Variants in FRMPD4 observed in about 807,000 individuals in gnomAD.
The protein encoded by FRMPD4 is FERM and PDZ domain containing 4, also known as FERM and PDZ domain-containing protein 4.
FRMPD4 carries 22 observed loss-of-function variants against 94.1 expected under a neutral mutation model. The ratio of observed to expected loss-of-function variants is 0.23; its 90% CI spans 0.17 to 0.33. The LOEUF (loss-of-function observed/expected upper bound fraction) is 0.33, where lower values mean the gene tolerates loss of function less well. FRMPD4 is among the 10% of genes least tolerant of loss of function. The pLI, the probability that FRMPD4 is intolerant of heterozygous loss-of-function variation, is 1.00. For synonymous variants in FRMPD4, 631 were observed against 548.6 expected, an observed-to-expected ratio of 1.15 and a Z score of -2.10; for missense variants, 1,111 against 1,339.9, an observed-to-expected ratio of 0.83 and a Z score of 2.67.
chrX:11,900,076 G>C (rs1017729944), intron 3 of FRMPD4, among the ~76,000 whole-genome samples: 2 of 111,883 alleles, frequency 1.8e-5, no homozygotes, highest in Non-Finnish European at 3.8e-5. Context: ...GGAGTTATCC[G>C]GGGGTCTTTT....
chrX:12,189,912 G>T (rs963688103), intron 1 of FRMPD4, among the ~76,000 whole-genome samples: 2 of 111,104 alleles, frequency 1.8e-5, no homozygotes, highest in African/African-American at 6.5e-5. Flanking sequence ...TATACAAATT[G>T]GGAAGGAAGA....
rs760879512 is a variant in FRMPD4 at position 12,541,304 on chromosome X, G to T, written c.158+42508G>T. Among the ~76,000 whole-genome samples, 10 of 111,113 alleles carry T rather than the reference G, an allele frequency of 9.0e-5. No individual in the cohort carries two copies. The South Asian group carries it at 3.8e-3, about 43-fold the overall frequency. ...CAAAAAATCAATGAATCCAGGGGCT[G>T]GTTTTTTGAAAAGATCAACACAATT... On this transcript the variant is annotated intron_variant, in intron 2 of 16. Coordinates refer to ENST00000675598, the MANE Select transcript of FRMPD4 (RefSeq NM_001368397.1).
chrX:12,293,881 T>A (rs138595672), intron 1 of FRMPD4, among the ~76,000 whole-genome samples: 10,349 of 112,080 alleles, frequency 0.092, 394 homozygotes, highest in Admixed American at 0.16. Context: ...TGACTAAGAA[T>A]AATAGCGTAG....
At chrX:12,342,822 A>G (rs2055637424) in intron 1 of FRMPD4, among the ~76,000 whole-genome samples, 1 of 112,192 alleles carries the variant, frequency 8.9e-6, no homozygotes, top group Non-Finnish European at 1.9e-5. Flanking sequence ...ATACATATCA[A>G]TTCATTTATT....
intron 1 of FRMPD4, among the ~76,000 whole-genome samples, chrX:12,383,210 G>C (rs1601880839): frequency 8.9e-6 from 1 of 112,347 alleles, no homozygotes; most frequent in Middle Eastern, 4.7e-3. Context: ...GTTATAGTCA[G>C]ACTCACTTAG....
At chrX:12,485,894 G>A (rs1272266835) in intron 1 of FRMPD4, among the ~76,000 whole-genome samples, 1 of 105,937 alleles carries the variant, frequency 9.4e-6, no homozygotes, top group Non-Finnish European at 1.9e-5. Context: ...GGGTAACAGA[G>A]GGAGATTCTT....
intron 3 of FRMPD4, among the ~76,000 whole-genome samples, chrX:12,006,419 G>A (rs747739368): frequency 8.9e-6 from 1 of 112,213 alleles, no homozygotes; most frequent in South Asian, 3.8e-4. Context: ...GGTGTTAAAA[G>A]AACTTTTAAC....
At chrX:12,582,354 A>G (rs1410385020) in intron 2 of FRMPD4, among the ~76,000 whole-genome samples, 5 of 111,743 alleles carry the variant, frequency 4.5e-5, no homozygotes, top group African/African-American at 1.6e-4. Context: ...CAGCAAATTC[A>G]TTTTCCAAGG....
chrX:12,591,212 T>A (rs2058979960), intron 2 of FRMPD4, among the ~76,000 whole-genome samples: 1 of 112,418 alleles, frequency 8.9e-6, no homozygotes, highest in Non-Finnish European at 1.9e-5. Context: ...TTATATACTG[T>A]GTTCTTACAA....
chrX:11,982,695 A>G (rs1340322001), intron 3 of FRMPD4, among the ~76,000 whole-genome samples: 3 of 111,690 alleles, frequency 2.7e-5, no homozygotes, highest in Admixed American at 1.9e-4. Context: ...TAATCTGTCT[A>G]TTAAGGTTTA....
rs560574777 is a variant in FRMPD4 at position 12,260,577 on chromosome X, C to T, written c.41+121565C>T. Among the ~76,000 whole-genome samples, 8 of 111,934 alleles carry T rather than the reference C, an allele frequency of 7.1e-5. No individual in the cohort carries two copies. In the East Asian group the frequency reaches 1.4e-3, roughly 20 times the overall value. ...TCATTTATTAATTTTGCATCCTTCACATCCATTATCTACACTCATCCCAGA... is the reference window on the plus strand; with the variant it reads ...TCATTTATTAATTTTGCATCCTTCATATCCATTATCTACACTCATCCCAGA... On this transcript the variant is annotated intron_variant, in intron 1 of 16. Transcript: ENST00000675598.
intron 1 of FRMPD4, among the ~76,000 whole-genome samples, chrX:12,362,058 C>A (rs1040504092): frequency 9.0e-6 from 1 of 111,347 alleles, no homozygotes; most frequent in East Asian, 2.8e-4. Flanking sequence ...GAAATATGTC[C>A]CTTTTTTTCT....
intron 1 of FRMPD4, among the ~76,000 whole-genome samples, chrX:12,210,824 A>G (rs1345193965): frequency 8.9e-6 from 1 of 111,789 alleles, no homozygotes; most frequent in African/African-American, 3.3e-5. Context: ...ACATTCACCA[A>G]ATTTAAAGAG....
intron 14 of FRMPD4, among the ~76,000 whole-genome samples, chrX:12,713,481 GGAGAGAGA>G (rs9331478): frequency 9.5e-6 from 1 of 105,199 alleles, no homozygotes; most frequent in Non-Finnish European, 2.0e-5. Context: ...GGAGGTAGGT[GGAGAGAGA>G]GAGAGAGAGA....
At chrX:12,391,350 C>G (rs1311014685) in intron 1 of FRMPD4, among the ~76,000 whole-genome samples, 1 of 111,959 alleles carries the variant, frequency 8.9e-6, no homozygotes, top group Non-Finnish European at 1.9e-5. Flanking sequence ...CTACAGACAT[C>G]TGTGAAAAAT....
intron 1 of FRMPD4, among the ~76,000 whole-genome samples, chrX:12,154,938 CA>C (rs1272422169): frequency 8.9e-6 from 1 of 112,380 alleles, no homozygotes; most frequent in Non-Finnish European, 1.9e-5. Context: ...AGGCATGAAG[CA>C]GGGGTGGCCA....
chrX:12,586,228 GCTA>G (rs776427831), intron 2 of FRMPD4, among the ~76,000 whole-genome samples: 171 of 112,847 alleles, frequency 1.5e-3, no homozygotes, highest in African/African-American at 3.5e-3. Flanking sequence ...TACTAAAAGA[GCTA>G]AAACGCACAT....
chrX:11,941,626 G>C (rs1278076920), intron 3 of FRMPD4, among the ~76,000 whole-genome samples: 12 of 112,263 alleles, frequency 1.1e-4, no homozygotes, highest in African/African-American at 3.6e-4. Flanking sequence ...AGCTTAAAGA[G>C]AGCAGTACCT....
intron 4 of FRMPD4, among the ~76,000 whole-genome samples, chrX:12,626,114 G>A (rs1384630076): frequency 9.0e-6 from 1 of 110,644 alleles, no homozygotes; most frequent in Non-Finnish European, 1.9e-5. Context: ...ATCACTTGAG[G>A]CCAAGAGTTT....
Sources: allele counts gnomAD v4.1 joint callset (sites outside exome capture counted in the v4.1 genomes callset), GRCh38; gene constraint gnomAD v4.1.1; transcripts MANE v1.5; gene names NCBI Gene and HGNC (gene_info 2026-07-23, HGNC 2026-07-21).